The following NAT10 variants were observed in gnomAD, a reference collection of about 807,000 sequenced individuals.
NAT10 encodes the protein RNA cytidine acetyltransferase.
In NAT10, 109 loss-of-function variants were observed where a neutral mutation model predicts 132.2. The observed-to-expected ratio is 0.82, with a 90% CI of 0.71 to 0.97. The LOEUF (loss-of-function observed/expected upper bound fraction) is 0.97, where lower values mean the gene tolerates loss of function less well. NAT10 is among the 50% of genes least tolerant of loss of function. The probability of loss-of-function intolerance (pLI) is 0.00; values close to 1 mark genes in which losing one functional copy is unlikely to be tolerated. For synonymous variants in NAT10, 479 were observed against 478.0 expected (o/e 1.00, Z -0.03); for missense variants, 1,184 against 1,263.4 (o/e 0.94, Z 0.95).
At position 34,117,869 on chromosome 11, in the gene NAT10, A is replaced by C. The variant is rs373288749; in HGVS notation, c.558-311A>C. On this transcript the variant is annotated intron_variant, in intron 6 of 28. Transcript: ENST00000257829. ...ATGGCCTGAAACACCTCAGTGCTAAAGAGCAAGCCTGGGAGGATGAGGAGA... is the reference window on the plus strand; with the variant it reads ...ATGGCCTGAAACACCTCAGTGCTAACGAGCAAGCCTGGGAGGATGAGGAGA... Among the ~76,000 whole-genome samples the C allele has an allele frequency of 8.5e-4, 129 of 152,280 alleles. 1 individual carries two copies. The highest frequency in any genetic ancestry group is 3.0e-3 in the African/African-American group (124 of 41,554).
At chr11:34,109,019 A>C (rs1395221199) in intron 3 of NAT10, among the ~76,000 whole-genome samples, 186 bp downstream of exon 3, 1 of 152,158 alleles carries the variant, frequency 6.6e-6, no homozygotes. Context: ...CATGCTTTTT[A>C]AGTCACCAAT....
chr11:34,144,828 C>T (rs1315057889), intron 28 of NAT10, among the ~76,000 whole-genome samples: 1 of 152,154 alleles, frequency 6.6e-6, no homozygotes, highest in Non-Finnish European at 1.5e-5. Flanking sequence ...GAGATTTTGG[C>T]AATCCCCTAT....
intron 12 of NAT10, among the ~76,000 whole-genome samples, chr11:34,130,114 A>G (rs1015160856): frequency 2.6e-5 from 4 of 152,214 alleles, no homozygotes; most frequent in Non-Finnish European, 5.9e-5. Context: ...AATGAGTACT[A>G]TGAAATGATG....
Position 34,146,753 on chromosome 11 carries a change from A to G in NAT10, c.*561A>G. On this transcript the variant is annotated 3_prime_UTR_variant, in exon 29 of 29. Transcript: ENST00000257829. ...GGCTCCAGCAGACCCACTGTCCCAG[A>G]AAAGCCTGATCCTGTAGTTTATGTA... is the stretch of plus-strand genomic sequence containing the variant. 6.6e-6 allele frequency: 1 copy of G among 152,460 alleles called. No individual in the cohort carries two copies. The highest frequency in any genetic ancestry group is 1.9e-4 in the East Asian group (1 of 5,196). 9.4% of individuals were successfully genotyped at this position (152,460 alleles called of 1,614,324 possible).
chr11:34,119,248 C>T (rs770334060), intron 8 of NAT10, among the ~76,000 whole-genome samples: 4 of 152,236 alleles, frequency 2.6e-5, no homozygotes, highest in Admixed American at 6.5e-5. Context: ...ACTGACTGGG[C>T]ACAGCCCAGA....
intron 6 of NAT10, among the ~76,000 whole-genome samples, chr11:34,117,078 A>G (rs975066782): frequency 6.6e-6 from 1 of 152,206 alleles, no homozygotes; most frequent in Non-Finnish European, 1.5e-5. Flanking sequence ...GGGTTTGGCC[A>G]TATATGTCTG....
At chr11:34,118,329 G>A in intron 7 of NAT10, 35 bp downstream of exon 7, 27 of 1,611,824 alleles carry the variant, frequency 1.7e-5, no homozygotes, top group Non-Finnish European at 2.3e-5. Context: ...ATCTGGGGGA[G>A]GCTACGTTTT....
chr11:34,131,869 A>G (rs1852112428), intron 14 of NAT10, among the ~76,000 whole-genome samples: 1 of 151,824 alleles, frequency 6.6e-6, no homozygotes, highest in Non-Finnish European at 1.5e-5. Context: ...TATTTTTAGT[A>G]GAGACAGGGT....
At chr11:34,139,629 C>T in intron 23 of NAT10, 134 bp downstream of exon 23, 1 of 733,474 alleles carries the variant, frequency 1.4e-6, no homozygotes. Context: ...CTGGTCACCA[C>T]CCGCTTGCCA....
chr11:34,142,072 C>CT, intron 26 of NAT10: 1 of 632,020 alleles, frequency 1.6e-6, no homozygotes. Flanking sequence ...AATGTTTTGT[C>CT]TTTTTTGGTG....
intron 8 of NAT10, 85 bp downstream of exon 8, chr11:34,118,588 A>C: frequency 2.0e-4 from 217 of 1,072,376 alleles, no homozygotes; most frequent in Non-Finnish European, 2.6e-4. Context: ...ACGTTGACTC[A>C]AGACCCAGAC....
At chr11:34,141,239 GTC>G in intron 25 of NAT10, 31 bp downstream of exon 25, 1 of 1,613,324 alleles carries the variant, frequency 6.2e-7, no homozygotes, top group Non-Finnish European at 8.5e-7. Context: ...GGGGCTTGAT[GTC>G]TCTCAAATAG....
chr11:34,120,998 T>A (rs767215416), intron 8 of NAT10, among the ~76,000 whole-genome samples: 1 of 152,080 alleles, frequency 6.6e-6, no homozygotes, highest in African/African-American at 2.4e-5. Context: ...GGGGTGTCCC[T>A]CCGGTGTCCT....
chr11:34,134,637 G>T, intron 18 of NAT10, 51 bp downstream of exon 18: 1 of 1,581,322 alleles, frequency 6.3e-7, no homozygotes, highest in Non-Finnish European at 8.7e-7. Flanking sequence ...GGTGCTTTAG[G>T]GTGGGGGTAC....
At chr11:34,133,376 C>T (rs1346180077) in intron 16 of NAT10, among the ~76,000 whole-genome samples, 2 of 152,188 alleles carry the variant, frequency 1.3e-5, no homozygotes, top group African/African-American at 2.4e-5. Context: ...CGACCGCTCT[C>T]TTATTTTGAC....
chr11:34,133,072 A>G lies in NAT10; in HGVS notation c.1664A>G (p.His555Arg), dbSNP rs1348302891. 10 of 1,613,988 alleles carry G rather than the reference A, an allele frequency of 6.2e-6. No individual in the cohort carries two copies. Among genetic ancestry groups the G allele is most frequent in the African/African-American group, 2.7e-5 (2 of 74,886 alleles). ...LQMLSDAPAH[H>R]LFCLLPPVPP... is the part of the protein sequence containing the mutation. ...ATGCTCTCCGATGCACCTGCTCACC[A>G]TCTCTTCTGCCTTCTGCCTCCCGTG... is the stretch of plus-strand genomic sequence containing the variant. Residue 555 changes from histidine (H) to arginine (R), a missense_variant, in exon 16 of 29, where the codon CAT (histidine) becomes CGT (arginine). His to Arg is a conservative substitution (Grantham distance 29). Coordinates refer to ENST00000257829, the MANE Select transcript of NAT10 (RefSeq NM_024662.3).
At chr11:34,122,365 C>G in intron 8 of NAT10, 94 bp from the exon 9 acceptor site, 1 of 1,526,824 alleles carries the variant, frequency 6.5e-7, no homozygotes, top group Non-Finnish European at 9.0e-7. Context: ...CTTATTTAGC[C>G]TGGCATCAAC....
At chr11:34,106,412 A>C (rs1194938694) in intron 1 of NAT10, among the ~76,000 whole-genome samples, 1 of 150,458 alleles carries the variant, frequency 6.6e-6, no homozygotes, top group Non-Finnish European at 1.5e-5. Flanking sequence ...CCGGTCCCTC[A>C]GTATAGCTAT....
intron 5 of NAT10, among the ~76,000 whole-genome samples, chr11:34,114,876 A>C (rs1851758115): frequency 6.6e-6 from 1 of 152,190 alleles, no homozygotes; most frequent in African/African-American, 2.4e-5. Context: ...TGGAGGGCCG[A>C]TCACAGTGGC....
Sources: allele counts gnomAD v4.1 joint callset (sites outside exome capture counted in the v4.1 genomes callset), GRCh38; gene constraint gnomAD v4.1.1; transcripts MANE v1.5; gene names NCBI Gene and HGNC (gene_info 2026-07-23, HGNC 2026-07-21).